Variants in SLC25A21 observed in about 807,000 individuals in gnomAD.
SLC25A21 encodes the protein solute carrier family 25 member 21.
In SLC25A21, 47 loss-of-function variants were observed where a neutral mutation model predicts 43.8. The observed-to-expected ratio is 1.07, with a 90% CI of 0.85 to 1.37. The LOEUF is 1.37. Ranked by LOEUF, SLC25A21 falls within the 40% of genes most tolerant of loss-of-function variation. The pLI is 0.00. For synonymous variants in SLC25A21, 131 were observed against 121.3 expected (o/e 1.08, Z -0.52); for missense variants, 352 against 350.2 (o/e 1.00, Z -0.04).
intron 1 of SLC25A21, among the ~76,000 whole-genome samples, chr14:36,937,831 A>G (rs7148646): frequency 0.73 from 110,563 of 151,996 alleles, 40,744 homozygotes; most frequent in African/African-American, 0.79. Flanking sequence ...TCATGGCAGA[A>G]AGGAAAGAGT....
intron 9 of SLC25A21, among the ~76,000 whole-genome samples, chr14:36,681,762 CAT>C (rs1169185956): frequency 6.6e-6 from 1 of 151,888 alleles, no homozygotes; most frequent in African/African-American, 2.4e-5. Flanking sequence ...ATAGGCTGCA[CAT>C]GTTTGTGTAA....
intron 1 of SLC25A21, among the ~76,000 whole-genome samples, chr14:37,152,040 T>A (rs1394932689): frequency 2.6e-5 from 4 of 151,958 alleles, no homozygotes; most frequent in Non-Finnish European, 5.9e-5. Flanking sequence ...ATCTCAAAAA[T>A]AATAATAATA....
chr14:36,998,714 A>G (rs1461116305), intron 1 of SLC25A21, among the ~76,000 whole-genome samples: 1 of 152,164 alleles, frequency 6.6e-6, no homozygotes, highest in Non-Finnish European at 1.5e-5. Flanking sequence ...ATTAAAAAAA[A>G]AAAACCTAAT....
chr14:36,927,268 A>C (rs1351231042), intron 1 of SLC25A21, among the ~76,000 whole-genome samples: 1 of 152,234 alleles, frequency 6.6e-6, no homozygotes, highest in Non-Finnish European at 1.5e-5. Flanking sequence ...TATTCCCAGG[A>C]GGTAATGCTA....
chr14:37,136,667 G>C (rs1963484515), intron 1 of SLC25A21, among the ~76,000 whole-genome samples: 1 of 152,006 alleles, frequency 6.6e-6, no homozygotes, highest in South Asian at 2.1e-4. Flanking sequence ...TCCTTAAATA[G>C]TTGAATGGAT....
At chr14:36,901,142 A>T (rs1214111475) in intron 1 of SLC25A21, among the ~76,000 whole-genome samples, 3 of 152,234 alleles carry the variant, frequency 2.0e-5, no homozygotes, top group Admixed American at 6.5e-5. Flanking sequence ...GGAAAGAGGG[A>T]GAAGAGCAGA....
At chr14:36,906,512 C>CTTTT (rs111778445) in intron 1 of SLC25A21, among the ~76,000 whole-genome samples, 1 of 143,092 alleles carries the variant, frequency 7.0e-6, no homozygotes, top group Non-Finnish European at 1.5e-5. Context: ...TCTTTCCTTC[C>CTTTT]TTTTTTTTTT....
intron 2 of SLC25A21, among the ~76,000 whole-genome samples, chr14:36,853,373 TA>T (rs1477845169): frequency 1.3e-4 from 20 of 152,242 alleles, no homozygotes; most frequent in Non-Finnish European, 4.4e-5. Flanking sequence ...CAACCTCTTA[TA>T]AACAAATGCT....
At chr14:36,992,945 G>C (rs1168536381) in intron 1 of SLC25A21, among the ~76,000 whole-genome samples, 1 of 152,150 alleles carries the variant, frequency 6.6e-6, no homozygotes, top group Non-Finnish European at 1.5e-5. Flanking sequence ...CTTCCTTTCT[G>C]TGTAGTTTTA....
chr14:37,065,728 A>T (rs1286701777), intron 1 of SLC25A21, among the ~76,000 whole-genome samples: 2 of 152,246 alleles, frequency 1.3e-5, no homozygotes, highest in African/African-American at 4.8e-5. Context: ...AAAGAAGGGT[A>T]CATTCAAACA....
At chr14:36,852,853 C>G (rs28429787) in intron 2 of SLC25A21, among the ~76,000 whole-genome samples, 1,958 of 152,150 alleles carry the variant, frequency 0.013, 50 homozygotes, top group African/African-American at 0.046. Flanking sequence ...ACAGGAAACA[C>G]TACTAAAATT....
chr14:37,006,838 C>T (rs1209969018), intron 1 of SLC25A21, among the ~76,000 whole-genome samples: 1 of 152,050 alleles, frequency 6.6e-6, no homozygotes, highest in Non-Finnish European at 1.5e-5. Flanking sequence ...TAGTATTATT[C>T]ATCAAGGGAA....
chr14:37,056,243 C>A (rs556435236), intron 1 of SLC25A21, among the ~76,000 whole-genome samples: 1 of 152,248 alleles, frequency 6.6e-6, no homozygotes, highest in Non-Finnish European at 1.5e-5. Context: ...GTAATCCCAG[C>A]ACTTTGGGAG....
chr14:36,964,195 G>A (rs1959562112), intron 1 of SLC25A21, among the ~76,000 whole-genome samples: 1 of 152,118 alleles, frequency 6.6e-6, no homozygotes, highest in Non-Finnish European at 1.5e-5. Context: ...TAGCATATTT[G>A]TAATTGGCAC....
At chr14:36,881,004 T>C (rs1469286391) in intron 1 of SLC25A21, among the ~76,000 whole-genome samples, 1 of 152,182 alleles carries the variant, frequency 6.6e-6, no homozygotes, top group Non-Finnish European at 1.5e-5. Context: ...AGAAAGGCTT[T>C]ACATGTAAAG....
In SLC25A21 at chr14:36,863,800, G is replaced by T. The variant is rs1320481541; in HGVS notation, c.119+11156C>A. On this transcript the variant is annotated intron_variant, in intron 2 of 9. Coordinates refer to ENST00000331299, the MANE Select transcript of SLC25A21 (RefSeq NM_030631.4). ...TCACAGCAGCAGCAGAAGTGGGCGT[G>T]CGTGGAGCACTACCTATGGATAAGG... 4.6e-5 allele frequency among the ~76,000 whole-genome samples: 7 copies of T among 152,228 alleles called. No homozygotes were observed. The East Asian group carries it at 1.3e-3, about 29-fold the overall frequency.
At position 36,810,507 on chromosome 14, in the gene SLC25A21, G is replaced by A. The variant is rs142261924; in HGVS notation, c.203+3411C>T. Among the ~76,000 whole-genome samples, 105 of 152,196 alleles carry A rather than the reference G, an allele frequency of 6.9e-4. 1 individual carries two copies. Among genetic ancestry groups the A allele is most frequent in the South Asian group, 2.9e-3 (14 of 4,820 alleles). On this transcript the variant is annotated intron_variant, in intron 3 of 9. Coordinates refer to ENST00000331299, the MANE Select transcript of SLC25A21 (RefSeq NM_030631.4). ...TAATATAAAGGTTTATATTATCAAC[G>A]TAGGGCATTTAGGTACCACATCACC...
chr14:36,925,220 C>T (rs535028550), intron 1 of SLC25A21, among the ~76,000 whole-genome samples: 18 of 152,146 alleles, frequency 1.2e-4, no homozygotes, highest in Non-Finnish European at 2.2e-4. Flanking sequence ...AATAGTAATC[C>T]TTAACCCAAA....
chr14:37,000,228 C>G (rs967515485), intron 1 of SLC25A21, among the ~76,000 whole-genome samples: 6 of 152,132 alleles, frequency 3.9e-5, no homozygotes, highest in African/African-American at 1.2e-4. Context: ...TATTACAATT[C>G]TGATCTCTTC....
Sources: gnomAD v4.1 joint callset for allele counts (sites outside exome capture counted in the v4.1 genomes callset) on GRCh38, gnomAD v4.1.1 for gene constraint, MANE v1.5 for transcripts, NCBI Gene and HGNC (gene_info 2026-07-23, HGNC 2026-07-21) for gene names.